FHIP1A: variants seen among roughly 807,000 people sequenced by gnomAD.
The protein encoded by FHIP1A is FHF complex subunit HOOK interacting protein 1A.
A neutral mutation model predicts 88.6 loss-of-function variants in FHIP1A; 61 were observed. That is an observed-to-expected ratio of 0.69 (90% CI 0.56 to 0.85). The LOEUF is 0.85. Among genes scored for constraint, FHIP1A ranks in the 40% least tolerant of loss-of-function variants. The pLI, the probability that FHIP1A is intolerant of heterozygous loss-of-function variation, is 0.00. For missense variants in FHIP1A, 1,154 were observed against 1,273.5 expected (o/e 0.91, Z 1.43); for synonymous variants, 478 against 496.0 (o/e 0.96, Z 0.48).
intron 3 of FHIP1A, among the ~76,000 whole-genome samples, chr4:151,522,167 A>G (rs904298266): frequency 7.2e-5 from 11 of 152,176 alleles, no homozygotes; most frequent in African/African-American, 2.7e-4. Flanking sequence ...GAACACAATG[A>G]AGTGAGTAAA....
intron 11 of FHIP1A, among the ~76,000 whole-genome samples, chr4:151,652,103 T>A (rs1039069430): frequency 7.2e-5 from 11 of 152,126 alleles, no homozygotes; most frequent in Non-Finnish European, 1.5e-4. Flanking sequence ...GCAGCTTTCT[T>A]ACAGAGGAGC....
At chr4:151,442,375 T>A (rs570563179) in intron 1 of FHIP1A, among the ~76,000 whole-genome samples, 1 of 152,160 alleles carries the variant, frequency 6.6e-6, no homozygotes, top group African/African-American at 2.4e-5. Flanking sequence ...ACCTTAAAAA[T>A]GTAGAATCTC....
intron 7 of FHIP1A, among the ~76,000 whole-genome samples, chr4:151,593,115 G>T (rs1158702245): frequency 6.6e-6 from 1 of 152,094 alleles, no homozygotes; most frequent in Non-Finnish European, 1.5e-5. Flanking sequence ...ATGTTCCGCT[G>T]GTCTATATAT....
At chr4:151,443,224 G>C (rs930735109) in intron 1 of FHIP1A, among the ~76,000 whole-genome samples, 4 of 152,150 alleles carry the variant, frequency 2.6e-5, no homozygotes, top group African/African-American at 9.7e-5. Context: ...CTTGAGCCCA[G>C]GAGTTCGAGG....
chr4:151,423,502 C>T (rs559160419), intron 1 of FHIP1A, among the ~76,000 whole-genome samples: 1 of 152,240 alleles, frequency 6.6e-6, no homozygotes, highest in African/African-American at 2.4e-5. Flanking sequence ...TGTTTCAAAT[C>T]TCTGATCTAC....
intron 3 of FHIP1A, among the ~76,000 whole-genome samples, chr4:151,502,132 A>G (rs1730670742): frequency 6.7e-6 from 1 of 149,304 alleles, no homozygotes; most frequent in South Asian, 2.1e-4. Context: ...TCTGGGCAAC[A>G]TAGGGAGAAT....
chr4:151,497,760 T>G (rs1300357925), intron 3 of FHIP1A, among the ~76,000 whole-genome samples: 1 of 152,242 alleles, frequency 6.6e-6, no homozygotes, highest in East Asian at 1.9e-4. Flanking sequence ...AGCATTGTCC[T>G]TGACCATGCT....
intron 7 of FHIP1A, among the ~76,000 whole-genome samples, chr4:151,613,294 A>G (rs1304844022): frequency 6.6e-6 from 1 of 152,252 alleles, no homozygotes; most frequent in African/African-American, 2.4e-5. Flanking sequence ...TCCAATGGAT[A>G]ATGAAGTTTT....
At position 151,620,938 on chromosome 4, in the gene FHIP1A, C is replaced by G. The variant is rs113168480; in HGVS notation, c.979-8764C>G. ...TCTAAGGCAGCCAGGTGGTATTCAT[C>G]TTGGAAACAAATGCAGAGAGTGGAG... is the stretch of plus-strand genomic sequence containing the variant. On this transcript the variant is annotated intron_variant, in intron 7 of 13. Coordinates refer to ENST00000435205, the MANE Select transcript of FHIP1A (RefSeq NM_001109977.3). 4.2e-3 allele frequency among the ~76,000 whole-genome samples: 632 copies of G among 150,844 alleles called. 7 individuals carry two copies. The highest frequency in any genetic ancestry group is 0.014 in the African/African-American group (568 of 41,100).
intron 7 of FHIP1A, among the ~76,000 whole-genome samples, chr4:151,619,538 T>C (rs1239428805): frequency 1.3e-5 from 2 of 152,358 alleles, no homozygotes; most frequent in East Asian, 3.9e-4. Flanking sequence ...TGAGTCTTAG[T>C]GTTAAAAAGT....
intron 5 of FHIP1A, among the ~76,000 whole-genome samples, chr4:151,579,671 A>G (rs1733949806): frequency 2.6e-5 from 4 of 152,234 alleles, no homozygotes; most frequent in Admixed American, 2.6e-4. Context: ...TTTATGGAGA[A>G]AATTATAAAG....
chr4:151,448,677 A>G (rs1395346593), intron 1 of FHIP1A, among the ~76,000 whole-genome samples: 1 of 152,158 alleles, frequency 6.6e-6, no homozygotes, highest in African/African-American at 2.4e-5. Flanking sequence ...GTGTATGTGT[A>G]TATTCCATAT....
chr4:151,550,815 T>C (rs1349630056), intron 3 of FHIP1A, among the ~76,000 whole-genome samples: 2 of 152,304 alleles, frequency 1.3e-5, no homozygotes, highest in African/African-American at 4.8e-5. Flanking sequence ...GTATGTTCTC[T>C]GAATCAGCAC....
rs6816002 is a variant in FHIP1A at position 151,668,287 on chromosome 4, G to A, written c.*5533G>A. 0.45 allele frequency among the ~76,000 whole-genome samples: 68,252 copies of A among 151,810 alleles called. 16,382 individuals carry two copies. The highest frequency in any genetic ancestry group is 0.63 in the African/African-American group (26,057 of 41,348). On this transcript the variant is annotated 3_prime_UTR_variant, in exon 14 of 14. Transcript: ENST00000435205. ...GGCTTTTCCCCAATAGTCACCATGT[G>A]GAAACTATGCAACTAAATTCAATGG... is the stretch of plus-strand genomic sequence containing the variant.
chr4:151,480,210 T>C (rs1580614755), intron 2 of FHIP1A, among the ~76,000 whole-genome samples: 1 of 152,212 alleles, frequency 6.6e-6, no homozygotes, highest in African/African-American at 2.4e-5. Flanking sequence ...TTTGAAGTCA[T>C]GAAGCGTTGC....
rs183558341 is a variant in FHIP1A at position 151,560,430 on chromosome 4, C to G, written c.-122-5708C>G. ...AAAAACTTACATTTCTGTTTTTTTT[C>G]CAGGAACATTTTTTGAATATAACTT... On this transcript the variant is annotated intron_variant, in intron 3 of 13. Coordinates refer to ENST00000435205, the MANE Select transcript of FHIP1A (RefSeq NM_001109977.3). 6.6e-5 allele frequency among the ~76,000 whole-genome samples: 10 copies of G among 151,980 alleles called. No individual in the cohort carries two copies. In the East Asian group the frequency reaches 1.9e-3, roughly 29 times the overall value.
chr4:151,526,091 C>A (rs1012676595), intron 3 of FHIP1A, among the ~76,000 whole-genome samples: 52 of 152,340 alleles, frequency 3.4e-4, no homozygotes, highest in African/African-American at 1.3e-3. Flanking sequence ...CACAGTTCAA[C>A]AGGATCCCAA....
intron 7 of FHIP1A, among the ~76,000 whole-genome samples, chr4:151,616,452 T>C (rs1338175342): frequency 7.0e-6 from 1 of 143,300 alleles, no homozygotes; most frequent in Admixed American, 6.9e-5. Flanking sequence ...TTCTTTTTTT[T>C]TTTTTTTTTT....
At chr4:151,536,592 G>T (rs572586560) in intron 3 of FHIP1A, among the ~76,000 whole-genome samples, 1 of 152,274 alleles carries the variant, frequency 6.6e-6, no homozygotes, top group African/African-American at 2.4e-5. Context: ...TTTTCGCTCA[G>T]CATAATTCCC....
Sources: gnomAD v4.1 joint callset for allele counts (sites outside exome capture counted in the v4.1 genomes callset) on GRCh38, gnomAD v4.1.1 for gene constraint, MANE v1.5 for transcripts, NCBI Gene and HGNC (gene_info 2026-07-23, HGNC 2026-07-21) for gene names.